Variants in ZNF600 observed in about 807,000 individuals in gnomAD.
ZNF600 encodes the protein zinc finger protein KR-ZNF1.
In ZNF600, 4 loss-of-function variants were observed where a neutral mutation model predicts 7.3. The ratio of observed to expected loss-of-function variants is 0.55; its 90% CI spans 0.27 to 1.25. The LOEUF (loss-of-function observed/expected upper bound fraction) is 1.25, where lower values mean the gene tolerates loss of function less well. Ranked by LOEUF, ZNF600 falls within the 50% of genes most tolerant of loss-of-function variation. The probability of loss-of-function intolerance (pLI) is 0.12; values close to 1 mark genes in which losing one functional copy is unlikely to be tolerated. For missense variants in ZNF600, 911 were observed against 922.1 expected, an observed-to-expected ratio of 0.99 and a Z score of 0.16; for synonymous variants, 290 against 308.9, an observed-to-expected ratio of 0.94 and a Z score of 0.64.
upstream of ZNF600, among the ~76,000 whole-genome samples, chr19:52,787,092 G>T (rs1462400110): frequency 6.6e-6 from 1 of 152,402 alleles, no homozygotes; most frequent in South Asian, 2.1e-4. Context: ...GAACAGAACA[G>T]AAATCCTCTC....
At chr19:52,813,249 G>GAAAAAAAAA in the ZNF600 span, among the ~76,000 whole-genome samples, 406 of 62,956 alleles carry the variant, frequency 6.4e-3, 54 homozygotes, top group East Asian at 0.015. Flanking sequence ...CTTGAATGGT[G>GAAAAAAAAA]AAAAAAAAAA....
the ZNF600 span, chr19:52,808,275 GT>G: frequency 6.1e-6 from 9 of 1,470,246 alleles, no homozygotes; most frequent in Non-Finnish European, 6.4e-6. Context: ...ACCACATGAT[GT>G]TTTTATTATA....
the ZNF600 span, among the ~76,000 whole-genome samples, chr19:52,829,192 T>G: frequency 2.3e-5 from 1 of 44,280 alleles, no homozygotes; most frequent in East Asian, 2.3e-4. Context: ...TTTTTTATTT[T>G]ATTTTATTTT....
the ZNF600 span, among the ~76,000 whole-genome samples, chr19:52,828,569 G>A: frequency 3.3e-5 from 5 of 152,210 alleles, no homozygotes; most frequent in South Asian, 4.1e-4. Flanking sequence ...CTATATATAC[G>A]CATTTCCCTT....
chr19:52,765,785 C>G lies in ZNF600; in HGVS notation c.2178G>C (p.Arg726Ser). ...ATGGTTTCTTTCCAGGATGAATTCTCCTATGTCTTTTAAGGTGTGATTTGC... is the reference window on the plus strand; with the variant it reads ...ATGGTTTCTTTCCAGGATGAATTCTGCTATGTCTTTTAAGGTGTGATTTGC... Residue 726 changes from arginine (R) to serine (S), a missense_variant, in exon 4 of 4, where the codon AGG becomes AGC. By Grantham distance (110) the Arg-to-Ser change is moderately radical (BLOSUM62 -1). Coordinates refer to ENST00000648973, the Ensembl canonical transcript of ZNF600. 1.9e-6 allele frequency: 3 copies of G among 1,613,806 alleles called. No homozygotes were observed. In the South Asian group the frequency reaches 3.3e-5, roughly 18 times the overall value.
chr19:52,790,997 TA>T (rs201555774), upstream of ZNF600, among the ~76,000 whole-genome samples: 8 of 149,440 alleles, frequency 5.4e-5, no homozygotes, highest in African/African-American at 9.8e-5. Flanking sequence ...GCTGTCTCTT[TA>T]AAAAAAAAAG....
chr19:52,767,368 T>A lies in ZNF600; in HGVS notation c.595A>T (p.Arg199Trp), dbSNP rs747459780. ...TTATTAGAAATATGGATTTGGGGCC[T>A]AGGAGAAATTCTTTGGGATGTTGAA... The change falls in exon 4 of 4, where the codon AGG (arginine) becomes TGG (tryptophan). Residue 199 changes from arginine to tryptophan, a missense_variant. Coordinates refer to ENST00000648973, the Ensembl canonical transcript of ZNF600. 53 of 1,613,970 alleles carry A rather than the reference T, an allele frequency of 3.3e-5. No individual in the cohort carries two copies. Among genetic ancestry groups the A allele is most frequent in the Non-Finnish European group, 4.1e-5 (48 of 1,179,996 alleles).
At chr19:52,823,877 A>G in the ZNF600 span, among the ~76,000 whole-genome samples, 1 of 152,012 alleles carries the variant, frequency 6.6e-6, no homozygotes, top group African/African-American at 2.4e-5. Context: ...GGCCTGACCA[A>G]TATGGAGAAA....
intron 3 of ZNF600, 128 bp downstream of exon 5, chr19:52,774,447 A>C: frequency 3.2e-6 from 3 of 924,220 alleles, no homozygotes; most frequent in Non-Finnish European, 3.8e-6. Flanking sequence ...AAAACAAAAC[A>C]AAAAAACAAC....
exon 4 of ZNF600, chr19:52,766,885 G>T: frequency 6.2e-7 from 1 of 1,613,944 alleles, no homozygotes; most frequent in East Asian, 2.2e-5. Context: ...CTACGATGAC[G>T]TGCAAGGTTT....
exon 4 of ZNF600, chr19:52,766,752 C>T (rs756088170): frequency 1.9e-6 from 3 of 1,613,922 alleles, no homozygotes; most frequent in Non-Finnish European, 2.5e-6. Context: ...AGCTGTGTCA[C>T]AAACCTTACA....
intron 3 of ZNF600, 52 bp downstream of exon 5, chr19:52,774,523 C>G (rs540659853): frequency 1.3e-5 from 13 of 984,232 alleles, no homozygotes; most frequent in Non-Finnish European, 1.4e-5. Flanking sequence ...CAGGAAGGGC[C>G]AAGATAGACA....
the ZNF600 span, among the ~76,000 whole-genome samples, chr19:52,824,505 C>A: frequency 2.0e-5 from 3 of 152,056 alleles, no homozygotes; most frequent in East Asian, 5.8e-4. Context: ...TGTGGTGGTG[C>A]GCGCCTGTAG....
intron 1 of ZNF600, among the ~76,000 whole-genome samples, chr19:52,779,179 A>G (rs912946127): frequency 1.1e-4 from 16 of 152,152 alleles, no homozygotes; most frequent in African/African-American, 2.7e-4. Flanking sequence ...TCAGGGCACA[A>G]ACCCATCCTT....
At chr19:52,821,092 G>C in the ZNF600 span, among the ~76,000 whole-genome samples, 1 of 152,110 alleles carries the variant, frequency 6.6e-6, no homozygotes, top group Non-Finnish European at 1.5e-5. Flanking sequence ...GCGGAGGGGA[G>C]ATCTGGGGAG....
At chr19:52,808,067 C>T in the ZNF600 span, 12 of 1,613,450 alleles carry the variant, frequency 7.4e-6, no homozygotes, top group African/African-American at 4.0e-5. Context: ...GTCCTCTGAG[C>T]AGGGTCCAGG....
chr19:52,824,604 C>T, the ZNF600 span, among the ~76,000 whole-genome samples: 2 of 151,982 alleles, frequency 1.3e-5, no homozygotes, highest in African/African-American at 4.8e-5. Flanking sequence ...CACTGCACTC[C>T]AGCCTGGGTG....
the ZNF600 span, among the ~76,000 whole-genome samples, chr19:52,819,358 CTCTT>C: frequency 2.1e-5 from 3 of 145,532 alleles, no homozygotes; most frequent in Admixed American, 7.0e-5. Flanking sequence ...AAGATGGTCT[CTCTT>C]TCTGAGTCTA....
intron 3 of ZNF600, among the ~76,000 whole-genome samples, chr19:52,768,065 C>G (rs1296463242): frequency 6.6e-6 from 1 of 151,456 alleles, no homozygotes; most frequent in East Asian, 1.9e-4. Context: ...AAGTGTATCA[C>G]AATTTGCAAA....
Sources: gnomAD v4.1 joint callset for allele counts (sites outside exome capture counted in the v4.1 genomes callset) on GRCh38, gnomAD v4.1.1 for gene constraint, MANE v1.5 for transcripts, NCBI Gene and HGNC (gene_info 2026-07-23, HGNC 2026-07-21) for gene names.